Variants in LRRC4C observed in about 807,000 individuals in gnomAD.
LRRC4C encodes the protein leucine-rich repeat-containing protein 4C.
Under a neutral mutation model 33.6 loss-of-function variants are expected in LRRC4C, and 5 were observed. The ratio of observed to expected loss-of-function variants is 0.15; its 90% CI spans 0.08 to 0.31. The LOEUF is 0.31. Among genes scored for constraint, LRRC4C ranks in the 10% least tolerant of loss-of-function variants. LRRC4C has a pLI of 1.00. For synonymous variants in LRRC4C, 329 were observed against 302.0 expected (o/e 1.09, Z -0.93); for missense variants, 560 against 796.7 (o/e 0.70, Z 3.58).
rs116870564 is a variant in LRRC4C at position 40,698,550 on chromosome 11, G to A, written c.-406-50272C>T. On this transcript the variant is annotated intron_variant, in intron 2 of 6. Transcript: ENST00000528697. ...ATCTTCAAATGGAAAATGGAAAAAC[G>A]GAGAAGAGAAAAAGAAGAGAATGGG... Among the ~76,000 whole-genome samples, 159 of 151,832 alleles carry A rather than the reference G, an allele frequency of 1.0e-3. 4 individuals carry two copies. In the East Asian group the frequency reaches 0.026, roughly 25 times the overall value.
chr11:41,094,598 A>G (rs896035854), intron 1 of LRRC4C, among the ~76,000 whole-genome samples: 3 of 152,306 alleles, frequency 2.0e-5, no homozygotes, highest in South Asian at 4.1e-4. Flanking sequence ...GTGAATAGCT[A>G]TCTATTAACC....
chr11:40,775,011 T>C (rs906086113), intron 2 of LRRC4C, among the ~76,000 whole-genome samples: 1 of 151,888 alleles, frequency 6.6e-6, no homozygotes, highest in Non-Finnish European at 1.5e-5. Context: ...TACCTAAATA[T>C]TTACATATAA....
chr11:40,847,667 G>A (rs1044755809), intron 2 of LRRC4C, among the ~76,000 whole-genome samples: 1 of 152,086 alleles, frequency 6.6e-6, no homozygotes, highest in African/African-American at 2.4e-5. Context: ...CTCATAAAAC[G>A]AGTAAGAGAG....
intron 5 of LRRC4C, among the ~76,000 whole-genome samples, chr11:40,144,881 GT>G (rs1272647115): frequency 6.6e-6 from 1 of 152,150 alleles, no homozygotes; most frequent in African/African-American, 2.4e-5. Context: ...CTTCCAGGTT[GT>G]TTACATTTAT....
At chr11:40,970,024 A>G (rs1851614510) in intron 1 of LRRC4C, among the ~76,000 whole-genome samples, 1 of 152,134 alleles carries the variant, frequency 6.6e-6, no homozygotes, top group African/African-American at 2.4e-5. Flanking sequence ...TCATAAGAAC[A>G]TGCCAATGCT....
chr11:40,589,944 C>T (rs1465223581), intron 3 of LRRC4C, among the ~76,000 whole-genome samples: 2 of 151,026 alleles, frequency 1.3e-5, no homozygotes, highest in Admixed American at 6.6e-5. Context: ...GTGAATCTGA[C>T]AATTATGTGT....
chr11:40,554,699 A>G (rs921790237), intron 3 of LRRC4C, among the ~76,000 whole-genome samples: 1 of 142,324 alleles, frequency 7.0e-6, no homozygotes, highest in African/African-American at 2.6e-5. Context: ...ATATATTCCT[A>G]CTTTTTGTGT....
intron 1 of LRRC4C, among the ~76,000 whole-genome samples, chr11:41,396,534 G>A (rs1953821811): frequency 6.6e-6 from 1 of 151,834 alleles, no homozygotes; most frequent in Non-Finnish European, 1.5e-5. Context: ...CTCTTAATTT[G>A]CTTCACTTAA....
chr11:41,304,347 TG>T (rs1181889801), intron 1 of LRRC4C, among the ~76,000 whole-genome samples: 1 of 75,568 alleles, frequency 1.3e-5, no homozygotes, highest in African/African-American at 5.5e-5. Flanking sequence ...GGGAGGGAGG[TG>T]GGGGGGTCAG....
intron 1 of LRRC4C, among the ~76,000 whole-genome samples, chr11:41,254,415 C>T (rs1336206916): frequency 1.3e-5 from 2 of 151,990 alleles, no homozygotes; most frequent in African/African-American, 4.8e-5. Context: ...TTGTTTAGCT[C>T]AGGTCACATT....
chr11:41,153,562 T>G (rs2135980286), intron 1 of LRRC4C, among the ~76,000 whole-genome samples: 1 of 152,304 alleles, frequency 6.6e-6, no homozygotes, highest in African/African-American at 2.4e-5. Flanking sequence ...GCAAAGATGT[T>G]AAGATTGTTC....
chr11:40,430,060 C>A (rs957215965), intron 3 of LRRC4C, among the ~76,000 whole-genome samples: 1 of 152,192 alleles, frequency 6.6e-6, no homozygotes, highest in Admixed American at 6.5e-5. Context: ...CTACCACCTC[C>A]TTCTCTTCGA....
At chr11:41,094,310 G>A (rs1940655528) in intron 1 of LRRC4C, among the ~76,000 whole-genome samples, 1 of 151,954 alleles carries the variant, frequency 6.6e-6, no homozygotes, top group African/African-American at 2.4e-5. Context: ...CGGATCACGA[G>A]GTCAGGAGAT....
At chr11:40,441,774 T>C (rs925087607) in intron 3 of LRRC4C, among the ~76,000 whole-genome samples, 4 of 152,184 alleles carry the variant, frequency 2.6e-5, no homozygotes, top group Non-Finnish European at 4.4e-5. Context: ...TGTAAGACAA[T>C]GAATGTGAAA....
chr11:40,142,839 C>T (rs979550734), intron 5 of LRRC4C, among the ~76,000 whole-genome samples: 5 of 152,164 alleles, frequency 3.3e-5, no homozygotes, highest in Admixed American at 1.3e-4. Flanking sequence ...CTTGTATATA[C>T]TACTGCTTTT....
chr11:41,456,334 C>A (rs1956170566), intron 1 of LRRC4C, among the ~76,000 whole-genome samples: 1 of 152,072 alleles, frequency 6.6e-6, no homozygotes, highest in African/African-American at 2.4e-5. Context: ...GCTCCAAAAG[C>A]TCCTCTCTGC....
intron 3 of LRRC4C, among the ~76,000 whole-genome samples, chr11:40,466,377 A>T (rs1952652714): frequency 6.6e-6 from 1 of 152,014 alleles, no homozygotes; most frequent in Non-Finnish European, 1.5e-5. Context: ...GCAATATATC[A>T]ATGTAACAAT....
At chr11:41,329,353 A>C (rs574027992) in intron 1 of LRRC4C, among the ~76,000 whole-genome samples, 2 of 152,304 alleles carry the variant, frequency 1.3e-5, no homozygotes, top group African/African-American at 2.4e-5. Context: ...AGGCATATCC[A>C]TGTGGAGACA....
At position 41,356,070 on chromosome 11, in the gene LRRC4C, T is replaced by C. The variant is rs143072132; in HGVS notation, c.-496+103361A>G. 3.9e-3 allele frequency among the ~76,000 whole-genome samples: 588 copies of C among 152,254 alleles called. 12 individuals carry two copies. The highest frequency in any genetic ancestry group is 9.3e-3 in the East Asian group (48 of 5,182). On this transcript the variant is annotated intron_variant, in intron 1 of 6. Transcript: ENST00000528697. ...AAAACTAGAACTTTGTTTCTGAAAATATAAACAGAAAATTAATAGCTCCCA... is the reference window on the plus strand; with the variant it reads ...AAAACTAGAACTTTGTTTCTGAAAACATAAACAGAAAATTAATAGCTCCCA...
Sources: gnomAD v4.1 joint callset for allele counts (sites outside exome capture counted in the v4.1 genomes callset) on GRCh38, gnomAD v4.1.1 for gene constraint, MANE v1.5 for transcripts, NCBI Gene and HGNC (gene_info 2026-07-23, HGNC 2026-07-21) for gene names.